Variants in FMR1NB observed in about 807,000 individuals in gnomAD.
FMR1NB encodes the protein FMR1 neighbor protein.
Under a neutral mutation model 16.8 loss-of-function variants are expected in FMR1NB, and 10 were observed. That is an observed-to-expected ratio of 0.60 (90% CI 0.37 to 1.01). The LOEUF is 1.01. FMR1NB is among the 50% of genes least tolerant of loss of function. The pLI, the probability that FMR1NB is intolerant of heterozygous loss-of-function variation, is 0.01. For missense variants in FMR1NB, 205 were observed against 204.8 expected (o/e 1.00, Z 0.00); for synonymous variants, 83 against 79.1 (o/e 1.05, Z -0.26).
At chrX:147,982,588 C>CAAA (rs79206034) in intron 1 of FMR1NB, among the ~76,000 whole-genome samples, 4 of 28,457 alleles carry the variant, frequency 1.4e-4, no homozygotes, top group African/African-American at 3.0e-4. Flanking sequence ...GACTCCGTCT[C>CAAA]AAAAAAAAAA....
intron 4 of FMR1NB, among the ~76,000 whole-genome samples, chrX:148,012,332 CTG>C (rs2044629509): frequency 8.9e-6 from 1 of 111,876 alleles, no homozygotes; most frequent in African/African-American, 3.2e-5. Context: ...ATTTAAACAT[CTG>C]TGGATTATAT....
At chrX:147,998,302 C>T (rs1557188353) in intron 1 of FMR1NB, among the ~76,000 whole-genome samples, 1 of 112,034 alleles carries the variant, frequency 8.9e-6, no homozygotes, top group African/African-American at 3.2e-5. Context: ...ATGTCCTTTG[C>T]AGGGACATGG....
intron 4 of FMR1NB, 150 bp downstream of exon 4, chrX:148,008,861 A>G (rs2044610033): frequency 3.9e-6 from 2 of 510,629 alleles, no homozygotes; most frequent in East Asian, 7.5e-5. Context: ...ACCTAAAACT[A>G]GAGTTGCCAT....
intron 1 of FMR1NB, among the ~76,000 whole-genome samples, chrX:147,994,679 A>C (rs2044532938): frequency 8.9e-6 from 1 of 112,262 alleles, no homozygotes. Context: ...AAAAAAGAAT[A>C]CTGTCTAATT....
intron 4 of FMR1NB, among the ~76,000 whole-genome samples, chrX:148,009,682 A>C (rs1193800816): frequency 9.0e-6 from 1 of 111,288 alleles, no homozygotes; most frequent in Non-Finnish European, 1.9e-5. Flanking sequence ...CACTACCCTG[A>C]GAATAAGTAC....
At chrX:147,986,898 A>C (rs1371662673) in intron 1 of FMR1NB, among the ~76,000 whole-genome samples, 1 of 111,769 alleles carries the variant, frequency 8.9e-6, no homozygotes, top group Admixed American at 9.5e-5. Flanking sequence ...CGAGTCTATA[A>C]ATTACTTTGG....
At chrX:147,992,293 C>A (rs1406598580) in intron 1 of FMR1NB, among the ~76,000 whole-genome samples, 1 of 74,097 alleles carries the variant, frequency 1.3e-5, no homozygotes, top group Non-Finnish European at 2.5e-5. Context: ...GGGGGGCTGA[C>A]CCCCCCCACC....
intron 4 of FMR1NB, among the ~76,000 whole-genome samples, chrX:148,014,190 G>A (rs1557189900): frequency 9.0e-6 from 1 of 111,220 alleles, no homozygotes; most frequent in Non-Finnish European, 1.9e-5. Context: ...CACCATCTGA[G>A]ATGGGGCCGC....
intron 4 of FMR1NB, among the ~76,000 whole-genome samples, chrX:148,019,395 G>A (rs1240870538): frequency 8.9e-6 from 1 of 112,114 alleles, no homozygotes; most frequent in Non-Finnish European, 1.9e-5. Context: ...GTTTCTCCAG[G>A]ATTAGTTTCT....
Position 147,985,933 on chromosome X carries a change from CAACA to C in FMR1NB, c.277+4255_277+4258del, listed in dbSNP as rs1199162868. On this transcript the variant is annotated intron_variant, in intron 1 of 5. Transcript: ENST00000370467. ...TGGTTGAACTAATTAACACTCCCAC[CAACA>C]GTGTAAAAGTGTTTCTATTTCTTCA... Among the ~76,000 whole-genome samples, 3 of 112,126 alleles carry C rather than the reference CAACA, an allele frequency of 2.7e-5. No individual in the cohort carries two copies. The South Asian group carries it at 1.1e-3, about 42-fold the overall frequency.
chrX:148,015,028 G>A (rs782818225), intron 4 of FMR1NB, among the ~76,000 whole-genome samples: 1 of 111,299 alleles, frequency 9.0e-6, no homozygotes, highest in Non-Finnish European at 1.9e-5. Flanking sequence ...TTCGGGTTTT[G>A]GATTTCTTCC....
At chrX:147,993,162 T>C (rs28531076) in intron 1 of FMR1NB, among the ~76,000 whole-genome samples, 381 of 99,162 alleles carry the variant, frequency 3.8e-3, no homozygotes, top group African/African-American at 0.01. Context: ...CGTCTGCAAT[T>C]CCGGCACCTC....
chrX:148,017,707 A>C, intron 4 of FMR1NB, among the ~76,000 whole-genome samples: 1 of 58,831 alleles, frequency 1.7e-5, no homozygotes, highest in Non-Finnish European at 2.9e-5. Context: ...ACCCCACCAC[A>C]GTCCCCAGAG....
chrX:148,020,147 C>G (rs1372243345), intron 4 of FMR1NB, among the ~76,000 whole-genome samples: 10 of 111,164 alleles, frequency 9.0e-5, no homozygotes, highest in Non-Finnish European at 1.9e-4. Flanking sequence ...GTTTCTTCCC[C>G]TTTCTACAGG....
chrX:148,004,651 C>G (rs782255588), intron 2 of FMR1NB, among the ~76,000 whole-genome samples: 8 of 112,093 alleles, frequency 7.1e-5, no homozygotes, highest in African/African-American at 2.6e-4. Context: ...AACACTCTTA[C>G]CACTTAAGCA....
chrX:148,008,898 G>A (rs1219571758), intron 4 of FMR1NB, among the ~76,000 whole-genome samples, 187 bp downstream of exon 4: 2 of 112,034 alleles, frequency 1.8e-5, no homozygotes, highest in Non-Finnish European at 3.8e-5. Flanking sequence ...GCATGTTATC[G>A]GCCAGGCACG....
intron 1 of FMR1NB, among the ~76,000 whole-genome samples, chrX:147,989,477 G>A (rs2044492985): frequency 8.9e-6 from 1 of 112,049 alleles, no homozygotes; most frequent in Non-Finnish European, 1.9e-5. Context: ...GAGGCACAGG[G>A]GTCAGGGACC....
intron 1 of FMR1NB, among the ~76,000 whole-genome samples, chrX:147,989,337 G>C (rs1243283770): frequency 8.9e-6 from 1 of 112,115 alleles, no homozygotes. Context: ...GGAGGCTGCA[G>C]AACAGCAAAG....
chrX:147,998,247 A>AT (rs1404580414), intron 1 of FMR1NB, among the ~76,000 whole-genome samples: 1 of 112,452 alleles, frequency 8.9e-6, no homozygotes, highest in African/African-American at 3.2e-5. Context: ...AATATGGCAC[A>AT]TATACATCAT....
Sources: allele counts gnomAD v4.1 joint callset (sites outside exome capture counted in the v4.1 genomes callset), GRCh38; gene constraint gnomAD v4.1.1; transcripts MANE v1.5; gene names NCBI Gene and HGNC (gene_info 2026-07-23, HGNC 2026-07-21).